SLC16A5: variants seen among roughly 807,000 people sequenced by gnomAD.
The protein encoded by SLC16A5 is monocarboxylate transporter 6.
A neutral mutation model predicts 33.2 loss-of-function variants in SLC16A5; 29 were observed. That is an observed-to-expected ratio of 0.87 (90% confidence interval 0.65 to 1.19). The LOEUF (loss-of-function observed/expected upper bound fraction) is 1.19. SLC16A5 is among the 50% of genes most tolerant of loss of function. SLC16A5 has a pLI of 0.00. For synonymous variants in SLC16A5, 248 were observed against 284.1 expected (o/e 0.87, Z 1.28); for missense variants, 606 against 678.2 (o/e 0.89, Z 1.18).
intron 3 of SLC16A5, among the ~76,000 whole-genome samples, chr17:75,097,094 G>A (rs1284466924): frequency 6.6e-6 from 1 of 152,040 alleles, no homozygotes; most frequent in South Asian, 2.1e-4. Context: ...CCAAAGTACT[G>A]GGATTACAGG....
intron 3 of SLC16A5, among the ~76,000 whole-genome samples, chr17:75,095,709 G>A (rs1156970665): frequency 6.6e-6 from 1 of 151,876 alleles, no homozygotes; most frequent in African/African-American, 2.4e-5. Context: ...GCCCAGGCTG[G>A]AGTGCAGTGG....
chr17:75,105,426 T>G (rs2073850951), intron 6 of SLC16A5: 1 of 985,270 alleles, frequency 1.0e-6, no homozygotes, highest in Admixed American at 6.2e-5. Flanking sequence ...GCTCTTTTAC[T>G]CCCCATTCCT....
At position 75,100,716 on chromosome 17, in the gene SLC16A5, G is replaced by C; in HGVS notation, c.1053G>C (p.Gln351His). The part of the protein sequence containing the change: ...SMSGIGALIF[Q>H]VLMDIVPMDQ... Reference sequence around the variant, plus strand: ...GTGGCATCGGCGCCCTCATCTTCCAGGTTCTCATGGACATCGTCCCCATGG... The same window carrying C: ...GTGGCATCGGCGCCCTCATCTTCCACGTTCTCATGGACATCGTCCCCATGG... Residue 351 changes from glutamine to histidine, a missense_variant, in exon 5 of 7, where the codon CAG (glutamine) becomes CAC (histidine). By Grantham distance (24) the Gln-to-His change is conservative (BLOSUM62 0). Transcript: ENST00000329783. The C allele has an allele frequency of 6.2e-7, 1 of 1,614,174 alleles. No homozygotes were observed. The highest frequency in any genetic ancestry group is 8.5e-7 in the Non-Finnish European group (1 of 1,180,038).
intron 5 of SLC16A5, among the ~76,000 whole-genome samples, chr17:75,102,337 G>A (rs2073809969): frequency 1.3e-5 from 2 of 152,150 alleles, no homozygotes; most frequent in South Asian, 4.1e-4. Context: ...AAACCCGGGA[G>A]GTGGAGGTTA....
At chr17:75,094,737 C>A (rs1254957618) in intron 3 of SLC16A5, among the ~76,000 whole-genome samples, 1 of 151,850 alleles carries the variant, frequency 6.6e-6, no homozygotes, top group Non-Finnish European at 1.5e-5. Flanking sequence ...GGAGCCCCAG[C>A]TCTCCCGGGA....
intron 1 of SLC16A5, among the ~76,000 whole-genome samples, chr17:75,088,376 CG>C (rs1348070041): frequency 6.6e-6 from 1 of 152,198 alleles, no homozygotes; most frequent in Non-Finnish European, 1.5e-5. Context: ...GGCAGCACTG[CG>C]GGGATGGGCA....
intron 3 of SLC16A5, among the ~76,000 whole-genome samples, chr17:75,096,759 T>C (rs1196738263): frequency 6.6e-6 from 1 of 151,096 alleles, no homozygotes; most frequent in Non-Finnish European, 1.5e-5. Context: ...CTCGAACTCC[T>C]GACTTCAGGC....
At chr17:75,087,422 T>C (rs1338204667), upstream of SLC16A5, among the ~76,000 whole-genome samples, 1 of 152,138 alleles carries the variant, frequency 6.6e-6, no homozygotes, top group Non-Finnish European at 1.5e-5. Context: ...GGGAAAAACC[T>C]GAAAAGGGCC....
chr17:75,103,894 C>A, intron 5 of SLC16A5, 76 bp from the exon 6 acceptor site: 1 of 1,280,794 alleles, frequency 7.8e-7, no homozygotes, highest in Non-Finnish European at 1.1e-6. Context: ...AAATAAAATA[C>A]CTGCTGTCAG....
Position 75,093,599 on chromosome 17 carries a change from C to A in SLC16A5, c.-38C>A. 6.3e-7 allele frequency: 1 copy of A among 1,590,692 alleles called. No homozygotes were observed. The highest frequency in any genetic ancestry group is 8.5e-7 in the Non-Finnish European group (1 of 1,172,888). The stretch of plus-strand genomic sequence containing the variant: ...CTGTCCCCTCCCCAGGCAGCAGCCA[C>A]ATTGGCAGTGAGGCCGTGGCAGCGT... On this transcript the variant is annotated 5_prime_UTR_variant, in exon 3 of 7. Transcript: ENST00000329783.
chr17:75,102,265 G>A (rs986721574), intron 5 of SLC16A5, among the ~76,000 whole-genome samples: 7 of 152,264 alleles, frequency 4.6e-5, no homozygotes, highest in Middle Eastern at 3.4e-3. Context: ...AAAATTAGCC[G>A]GGTGTGGTGG....
intron 2 of SLC16A5, among the ~76,000 whole-genome samples, chr17:75,091,095 G>T (rs995522036): frequency 6.6e-6 from 1 of 152,164 alleles, no homozygotes; most frequent in Non-Finnish European, 1.5e-5. Context: ...GGGCCTCGGG[G>T]CCTGGGAGTG....
chr17:75,091,845 T>C (rs762564822), intron 2 of SLC16A5, among the ~76,000 whole-genome samples: 3 of 151,804 alleles, frequency 2.0e-5, no homozygotes, highest in East Asian at 1.9e-4. Context: ...TCTGAGGGGG[T>C]TGGGGGGCCA....
downstream of SLC16A5, among the ~76,000 whole-genome samples, chr17:75,108,570 G>C (rs1162582356): frequency 6.6e-6 from 1 of 152,110 alleles, no homozygotes. Flanking sequence ...CCTTGCCTTT[G>C]TCAGCCTAAA....
chr17:75,104,357 G>A, intron 6 of SLC16A5, 177 bp downstream of exon 6: 1 of 1,435,472 alleles, frequency 7.0e-7, no homozygotes, highest in South Asian at 1.5e-5. Context: ...CTGCAAGCTG[G>A]GACTCTGCCA....
At chr17:75,099,589 G>C (rs934938585) in intron 4 of SLC16A5, among the ~76,000 whole-genome samples, 6 of 152,122 alleles carry the variant, frequency 3.9e-5, no homozygotes, top group Non-Finnish European at 7.3e-5. Flanking sequence ...CAGACTACAG[G>C]CGCCTGCCAC....
chr17:75,106,180 G>C (rs1036840093), downstream of SLC16A5: 2 of 493,678 alleles, frequency 4.1e-6, no homozygotes, highest in African/African-American at 3.9e-5. Flanking sequence ...GGTTGGTTTG[G>C]ATGAGCTAGT....
At chr17:75,101,588 A>G (rs952385060) in intron 5 of SLC16A5, among the ~76,000 whole-genome samples, 25 of 139,492 alleles carry the variant, frequency 1.8e-4, no homozygotes, top group African/African-American at 6.5e-4. Context: ...AAAAAAAAGC[A>G]TGGGTTTGTG....
In SLC16A5 at chr17:75,104,123, G is replaced by A. The variant is rs773541249; in HGVS notation, c.1307G>A (p.Arg436Gln). 6.8e-6 allele frequency: 11 copies of A among 1,614,108 alleles called. No individual in the cohort carries two copies. The highest frequency in any genetic ancestry group is 5.3e-5 in the African/African-American group (4 of 74,940). The change falls in exon 6 of 7, where the codon CGG (arginine) becomes CAG (glutamine). Residue 436 changes from arginine (R) to glutamine (Q), a missense_variant. Coordinates refer to ENST00000329783, the MANE Select transcript of SLC16A5 (RefSeq NM_004695.4). ...GCTGTCGCGGCGGATGCCCTGGAGC[G>A]GGATCTTTTCTTGGAAGCCAAAGAC... The part of the protein sequence containing the change: ...KQAVAADALE[R>Q]DLFLEAKDGP...
Sources: allele counts gnomAD v4.1 joint callset (sites outside exome capture counted in the v4.1 genomes callset), GRCh38; gene constraint gnomAD v4.1.1; transcripts MANE v1.5; gene names NCBI Gene and HGNC (gene_info 2026-07-23, HGNC 2026-07-21).